Variants in IRAG1 observed in about 807,000 individuals in gnomAD.
IRAG1 encodes IP3R-associated cGMP kinase substrate.
In IRAG1, 62 loss-of-function variants were observed where a neutral mutation model predicts 106.2. That is an observed-to-expected ratio of 0.58 (90% CI 0.48 to 0.72). The LOEUF is 0.72. IRAG1 is among the 30% of genes least tolerant of loss of function. The pLI is 0.00. For missense variants in IRAG1, 1,064 were observed against 1,140.7 expected, an observed-to-expected ratio of 0.93 and a Z score of 0.97; for synonymous variants, 462 against 443.9, an observed-to-expected ratio of 1.04 and a Z score of -0.51.
Position 10,600,935 on chromosome 11 carries a change from C to T in IRAG1, c.2000G>A (p.Arg667His), listed in dbSNP as rs199676229. ...FKKLANQNSS[R>H]SCGPSEDGVP... ...GTCCTTACCAGAGGGGCCACAGCTG[C>T]GGCTTGAATTCTGATTTGCAAGCTT... Residue 667 changes from arginine to histidine, a missense_variant, in exon 15 of 21, where the codon CGC becomes CAC. By Grantham distance (29) the Arg-to-His change is conservative. Transcript: ENST00000423302. 42 of 1,613,950 alleles carry T rather than the reference C, an allele frequency of 2.6e-5. No homozygotes were observed. In the South Asian group the frequency reaches 3.3e-4, roughly 13 times the overall value.
In IRAG1 at chr11:10,629,707, G is replaced by C. The variant is rs369117628; in HGVS notation, c.405C>G (p.Pro135=). The change falls in exon 5 of 21, where the codon CCC becomes CCG. Residue 135 remains proline, a synonymous_variant. Coordinates refer to ENST00000423302, the MANE Select transcript of IRAG1 (RefSeq NM_130385.4). ...VSTASLTSVD[P]AGHIIDLVND... ...TCACCAGGTCAATGATGTGCCCCGC[G>C]GGGTCTGCAGAAGGAGGATGAGCTG... The C allele has an allele frequency of 1.4e-5, 23 of 1,612,832 alleles. No individual in the cohort carries two copies. Among genetic ancestry groups the C allele is most frequent in the Non-Finnish European group, 2.0e-5 (23 of 1,179,444 alleles).
At chr11:10,688,274 C>T (rs546656693) in intron 1 of IRAG1, among the ~76,000 whole-genome samples, 1 of 152,244 alleles carries the variant, frequency 6.6e-6, no homozygotes, top group Admixed American at 6.5e-5. Context: ...TCCATAGGGA[C>T]ACTGTGCTGC....
At chr11:10,632,775 C>T (rs1856803573) in intron 3 of IRAG1, among the ~76,000 whole-genome samples, 1 of 152,202 alleles carries the variant, frequency 6.6e-6, no homozygotes, top group Non-Finnish European at 1.5e-5. Flanking sequence ...TTGTAGAAGC[C>T]TCATAAAATG....
intron 2 of IRAG1, among the ~76,000 whole-genome samples, chr11:10,638,143 A>T (rs1301330769): frequency 6.6e-6 from 1 of 152,224 alleles, no homozygotes; most frequent in East Asian, 1.9e-4. Context: ...TCAGAGGTGC[A>T]AATTAGAGAC....
Position 10,626,500 on chromosome 11 carries a change from T to G in IRAG1, c.834A>C (p.Pro278=). ...SQGRLAPRPP[P]VEKSKEIAIE... ...TTGCAATCTCTTTGGACTTCTCAAC[T>G]GGAGGAGGACGAGGAGCCAGCCTGC... Residue 278 remains proline (P), a synonymous_variant, in exon 9 of 21, where the codon CCA becomes CCC. Transcript: ENST00000423302. 2.5e-6 allele frequency: 4 copies of G among 1,613,602 alleles called. No homozygotes were observed. In the South Asian group the frequency reaches 4.4e-5, roughly 18 times the overall value.
chr11:10,593,709 G>A (rs1370559782), intron 16 of IRAG1, 110 bp from the exon 17 acceptor site: 2 of 863,562 alleles, frequency 2.3e-6, no homozygotes, highest in African/African-American at 1.7e-5. Flanking sequence ...GGCATTCACT[G>A]GATATTTTGG....
chr11:10,580,152 C>T (rs188381824), intron 20 of IRAG1, among the ~76,000 whole-genome samples: 258 of 152,354 alleles, frequency 1.7e-3, no homozygotes, highest in South Asian at 4.6e-3. Context: ...GGGAGGGACT[C>T]CATTCAGGGC....
intron 1 of IRAG1, among the ~76,000 whole-genome samples, chr11:10,660,230 G>A (rs1405088704): frequency 6.6e-6 from 1 of 152,154 alleles, no homozygotes; most frequent in East Asian, 1.9e-4. Flanking sequence ...GTTAAACACA[G>A]ACATTATTAA....
At chr11:10,608,447 T>TA (rs904636066) in intron 11 of IRAG1, among the ~76,000 whole-genome samples, 9 of 150,302 alleles carry the variant, frequency 6.0e-5, no homozygotes, top group African/African-American at 9.8e-5. Flanking sequence ...ATACCCACCT[T>TA]AAAAAAAAAG....
At chr11:10,612,550 A>C (rs142641536) in intron 10 of IRAG1, among the ~76,000 whole-genome samples, 49 of 152,302 alleles carry the variant, frequency 3.2e-4, no homozygotes, top group Non-Finnish European at 6.0e-4. Flanking sequence ...CTACAATACA[A>C]TATATCTAGG....
chr11:10,692,784 G>T (rs1269922165), intron 1 of IRAG1, among the ~76,000 whole-genome samples: 1 of 152,214 alleles, frequency 6.6e-6, no homozygotes, highest in African/African-American at 2.4e-5. Context: ...CTGTTTCCTG[G>T]GCAGGAGGGA....
intron 9 of IRAG1, 31 bp downstream of exon 9, chr11:10,625,935 C>T: frequency 6.9e-7 from 1 of 1,445,230 alleles, no homozygotes; most frequent in Middle Eastern, 1.8e-4. Flanking sequence ...CTGGAGTACA[C>T]ACTCTGCCCA....
chr11:10,676,023 G>A (rs977858201), intron 1 of IRAG1, among the ~76,000 whole-genome samples: 1 of 152,238 alleles, frequency 6.6e-6, no homozygotes, highest in Non-Finnish European at 1.5e-5. Context: ...TGTAACCACT[G>A]CATGGGGTTC....
At chr11:10,656,786 T>C (rs972944586) in intron 1 of IRAG1, among the ~76,000 whole-genome samples, 4 of 152,158 alleles carry the variant, frequency 2.6e-5, no homozygotes, top group African/African-American at 9.7e-5. Flanking sequence ...CTAGTCTGAC[T>C]CCTAGGCCCG....
chr11:10,681,097 T>C (rs1057479480), intron 1 of IRAG1, among the ~76,000 whole-genome samples: 1 of 152,158 alleles, frequency 6.6e-6, no homozygotes, highest in Non-Finnish European at 1.5e-5. Flanking sequence ...CGACACCTCC[T>C]GGAGGCCCCT....
intron 2 of IRAG1, among the ~76,000 whole-genome samples, chr11:10,640,617 T>C (rs947411767): frequency 6.6e-6 from 1 of 152,264 alleles, no homozygotes; most frequent in African/African-American, 2.4e-5. Flanking sequence ...GGGAAGATTC[T>C]AGGGGCCCTC....
At chr11:10,689,315 G>A (rs1319226186) in intron 1 of IRAG1, among the ~76,000 whole-genome samples, 1 of 152,174 alleles carries the variant, frequency 6.6e-6, no homozygotes, top group Non-Finnish European at 1.5e-5. Context: ...AAGTCCTGCA[G>A]CAATTCTCAT....
chr11:10,673,692 C>T (rs765548235), intron 1 of IRAG1, among the ~76,000 whole-genome samples: 10 of 151,676 alleles, frequency 6.6e-5, no homozygotes, highest in South Asian at 2.1e-4. Flanking sequence ...TTTTTTCTAA[C>T]TTCCATTAAA....
intron 19 of IRAG1, among the ~76,000 whole-genome samples, chr11:10,581,106 G>C (rs1851343508): frequency 6.6e-6 from 1 of 152,176 alleles, no homozygotes; most frequent in South Asian, 2.1e-4. Flanking sequence ...GGGTGAGAAA[G>C]GCACGCTTTC....
Sources: gnomAD v4.1 joint callset for allele counts (sites outside exome capture counted in the v4.1 genomes callset) on GRCh38, gnomAD v4.1.1 for gene constraint, MANE v1.5 for transcripts, NCBI Gene and HGNC (gene_info 2026-07-23, HGNC 2026-07-21) for gene names.